The following LCORL variants were observed in gnomAD, a reference collection of about 807,000 sequenced individuals.
The protein encoded by LCORL is ligand-dependent nuclear receptor corepressor-like protein.
In LCORL, 41 loss-of-function variants were observed where a neutral mutation model predicts 141.8. That is an observed-to-expected ratio of 0.29 (90% CI 0.23 to 0.38). The LOEUF is 0.38. Ranked by LOEUF, LCORL falls within the 10% of genes least tolerant of loss-of-function variation. LCORL has a pLI of 1.00. For missense variants in LCORL, 1,759 were observed against 2,035.0 expected (o/e 0.86, Z 2.61); for synonymous variants, 618 against 694.1 (o/e 0.89, Z 1.72).
intron 2 of LCORL, among the ~76,000 whole-genome samples, chr4:17,964,493 T>G (rs1009948726): frequency 6.6e-6 from 1 of 152,128 alleles, no homozygotes; most frequent in Non-Finnish European, 1.5e-5. Context: ...TAAGGTCAGT[T>G]TGCAGAAAGA....
At chr4:17,998,045 A>G (rs1721187743) in intron 1 of LCORL, among the ~76,000 whole-genome samples, 1 of 152,218 alleles carries the variant, frequency 6.6e-6, no homozygotes. Flanking sequence ...CCTACTGTAT[A>G]CAGTCTGTAC....
exon 7 of LCORL, chr4:17,875,061 T>G: frequency 8.1e-7 from 1 of 1,233,708 alleles, no homozygotes; most frequent in Non-Finnish European, 1.0e-6. Context: ...TATATCAGCT[T>G]CAGTGTGCCT....
At chr4:17,947,788 G>A (rs1209002531) in intron 4 of LCORL, among the ~76,000 whole-genome samples, 1 of 151,920 alleles carries the variant, frequency 6.6e-6, no homozygotes, top group Admixed American at 6.6e-5. Context: ...ATACCCACGT[G>A]ATATAGGTTT....
exon 8 of LCORL, chr4:17,844,427 A>AT (rs1347050926): frequency 1.4e-4 from 22 of 152,524 alleles, no homozygotes; most frequent in African/African-American, 5.1e-4. Flanking sequence ...CATTTACTTA[A>AT]GGTGAAATTT....
At chr4:17,873,330 T>C in intron 7 of LCORL, 58 bp downstream of exon 7, 1 of 1,062,038 alleles carries the variant, frequency 9.4e-7, no homozygotes, top group Non-Finnish European at 1.2e-6. Context: ...TTCTACCTGT[T>C]ATACTTTACT....
chr4:17,943,649 T>C (rs184789419), intron 4 of LCORL, among the ~76,000 whole-genome samples: 2 of 152,290 alleles, frequency 1.3e-5, no homozygotes, highest in Admixed American at 1.3e-4. Context: ...AAATCAAGGA[T>C]AAAGTAAGTG....
chr4:17,980,047 T>G (rs1416887636), intron 1 of LCORL, among the ~76,000 whole-genome samples: 1 of 152,152 alleles, frequency 6.6e-6, no homozygotes, highest in Non-Finnish European at 1.5e-5. Flanking sequence ...GGCCTAGAGC[T>G]TTCATAAAGG....
intron 1 of LCORL, among the ~76,000 whole-genome samples, chr4:17,987,971 G>C (rs933342926): frequency 6.6e-6 from 1 of 152,142 alleles, no homozygotes; most frequent in African/African-American, 2.4e-5. Flanking sequence ...TTGGCTCTGT[G>C]TCCCCACCCA....
chr4:17,850,036 T>G (rs1339402965), intron 7 of LCORL, among the ~76,000 whole-genome samples: 3 of 151,066 alleles, frequency 2.0e-5, no homozygotes, highest in African/African-American at 4.9e-5. Context: ...GGGGAAGGGA[T>G]TCCCTATTTA....
At chr4:17,981,166 C>A (rs1248621039) in intron 1 of LCORL, among the ~76,000 whole-genome samples, 1 of 152,118 alleles carries the variant, frequency 6.6e-6, no homozygotes, top group African/African-American at 2.4e-5. Flanking sequence ...TGCACTGGAA[C>A]CTTTCATAAA....
chr4:17,912,695 C>T (rs908933952), intron 4 of LCORL: 50 of 390,892 alleles, frequency 1.3e-4, no homozygotes, highest in Non-Finnish European at 1.4e-4. Flanking sequence ...CTATGCCCTG[C>T]AGATGGAGTA....
At chr4:17,861,190 T>A (rs747232124) in intron 7 of LCORL, among the ~76,000 whole-genome samples, 1 of 152,202 alleles carries the variant, frequency 6.6e-6, no homozygotes, top group Admixed American at 6.5e-5. Flanking sequence ...GCAGAGGTTC[T>A]CCATGAGGGC....
intron 1 of LCORL, among the ~76,000 whole-genome samples, chr4:18,004,029 CAA>C (rs1722398940): frequency 6.6e-6 from 1 of 152,170 alleles, no homozygotes; most frequent in Non-Finnish European, 1.5e-5. Context: ...AGCAGAAACA[CAA>C]GAGCTTTTGA....
At chr4:17,958,479 T>G (rs1300589494) in intron 4 of LCORL, among the ~76,000 whole-genome samples, 1 of 151,914 alleles carries the variant, frequency 6.6e-6, no homozygotes, top group Non-Finnish European at 1.5e-5. Flanking sequence ...TTCAGGTGAT[T>G]AGAGAATCTG....
At chr4:17,899,077 C>A (rs964433740) in intron 5 of LCORL, among the ~76,000 whole-genome samples, 2 of 152,090 alleles carry the variant, frequency 1.3e-5, no homozygotes, top group African/African-American at 2.4e-5. Context: ...TTTAAAATTT[C>A]TTCTATGAAC....
intron 7 of LCORL, among the ~76,000 whole-genome samples, chr4:17,854,304 A>C (rs1489617011): frequency 6.6e-6 from 1 of 152,230 alleles, no homozygotes; most frequent in African/African-American, 2.4e-5. Context: ...AATAGAATGC[A>C]CATAAAATGC....
At chr4:17,917,161 C>G (rs530021696) in intron 4 of LCORL, among the ~76,000 whole-genome samples, 1 of 151,600 alleles carries the variant, frequency 6.6e-6, no homozygotes, top group Non-Finnish European at 1.5e-5. Context: ...TTTTAGTAGA[C>G]GGGGTTTCAC....
intron 1 of LCORL, among the ~76,000 whole-genome samples, chr4:18,007,506 G>A (rs952156302): frequency 6.6e-5 from 10 of 151,922 alleles, no homozygotes; most frequent in South Asian, 2.1e-4. Flanking sequence ...TTCTATTATC[G>A]CATTTATCGT....
At chr4:18,018,397 G>A (rs1724953825) in intron 1 of LCORL, among the ~76,000 whole-genome samples, 1 of 152,076 alleles carries the variant, frequency 6.6e-6, no homozygotes, top group Non-Finnish European at 1.5e-5. Flanking sequence ...ATTATAGAAA[G>A]TACCACAATG....
Sources: allele counts gnomAD v4.1 joint callset (sites outside exome capture counted in the v4.1 genomes callset), GRCh38; gene constraint gnomAD v4.1.1; transcripts MANE v1.5; gene names NCBI Gene and HGNC (gene_info 2026-07-23, HGNC 2026-07-21).